LRMDA: variants seen among roughly 807,000 people sequenced by gnomAD.
LRMDA encodes leucine-rich melanocyte differentiation-associated protein.
In LRMDA, 18 loss-of-function variants were observed where a neutral mutation model predicts 29.8. The observed-to-expected ratio is 0.60, with a 90% CI of 0.42 to 0.90. LRMDA has a LOEUF of 0.90. LRMDA is among the 40% of genes least tolerant of loss of function. The pLI is 0.00. For missense variants in LRMDA, 273 were observed against 273.9 expected (o/e 1.00, Z 0.02); for synonymous variants, 125 against 109.4 (o/e 1.14, Z -0.89).
At chr10:75,465,635 T>C (rs1382446492) in intron 2 of LRMDA, among the ~76,000 whole-genome samples, 1 of 152,238 alleles carries the variant, frequency 6.6e-6, no homozygotes, top group Non-Finnish European at 1.5e-5. Context: ...AGCGCATTTG[T>C]AGACCTGTTG....
At chr10:76,548,646 A>T (rs1405069045) in intron 6 of LRMDA, among the ~76,000 whole-genome samples, 1 of 152,182 alleles carries the variant, frequency 6.6e-6, no homozygotes, top group African/African-American at 2.4e-5. Flanking sequence ...GTAGGAGCCA[A>T]AAAAGGGAGC....
chr10:75,801,221 C>A (rs970142329), intron 2 of LRMDA, among the ~76,000 whole-genome samples: 1 of 152,196 alleles, frequency 6.6e-6, no homozygotes, highest in Non-Finnish European at 1.5e-5. Flanking sequence ...CAGGGATAAG[C>A]CCAGGATTTG....
chr10:75,797,824 C>T (rs577779991), intron 2 of LRMDA, among the ~76,000 whole-genome samples: 1 of 152,226 alleles, frequency 6.6e-6, no homozygotes, highest in Non-Finnish European at 1.5e-5. Context: ...CATAAATATT[C>T]ACATATAAGT....
chr10:76,186,738 T>C (rs1851157372), intron 5 of LRMDA, among the ~76,000 whole-genome samples: 1 of 152,150 alleles, frequency 6.6e-6, no homozygotes, highest in African/African-American at 2.4e-5. Flanking sequence ...GACAGGGCAG[T>C]AAAAAAGATA....
At chr10:75,440,070 T>C (rs1844310352) in intron 2 of LRMDA, among the ~76,000 whole-genome samples, 1 of 151,440 alleles carries the variant, frequency 6.6e-6, no homozygotes, top group East Asian at 2.0e-4. Context: ...GCTATTGGGT[T>C]TGAGGAAACA....
In LRMDA at chr10:76,269,866, A is replaced by G. The variant is rs566494255; in HGVS notation, c.517-54535A>G. On this transcript the variant is annotated intron_variant, in intron 5 of 6. Coordinates refer to ENST00000611255, the MANE Select transcript of LRMDA (RefSeq NM_001305581.2). ...CAAGATTACATAGCTAGTAAGCAAC[A>G]GGGCTAGGACTAGATGTTGTATTGT... Among the ~76,000 whole-genome samples the G allele has an allele frequency of 3.9e-5, 6 of 152,372 alleles. No homozygotes were observed. In the South Asian group the frequency reaches 1.2e-3, roughly 32 times the overall value.
At chr10:76,030,814 C>T (rs1848136719) in intron 2 of LRMDA, among the ~76,000 whole-genome samples, 2 of 152,124 alleles carry the variant, frequency 1.3e-5, no homozygotes, top group Admixed American at 1.3e-4. Context: ...ACTGTGCTGC[C>T]ACTGGACCAT....
At chr10:76,353,003 C>T (rs1841196232) in intron 6 of LRMDA, among the ~76,000 whole-genome samples, 2 of 152,090 alleles carry the variant, frequency 1.3e-5, no homozygotes, top group African/African-American at 4.8e-5. Context: ...TGAGTATATC[C>T]AGCTTGAGTA....
chr10:76,093,246 C>T (rs771263003), intron 5 of LRMDA, among the ~76,000 whole-genome samples: 16 of 151,708 alleles, frequency 1.1e-4, no homozygotes, highest in South Asian at 4.2e-4. Context: ...CCATGTTGGC[C>T]GGGCTGGTCT....
chr10:76,461,231 G>A (rs1488493201), intron 6 of LRMDA, among the ~76,000 whole-genome samples: 1 of 152,064 alleles, frequency 6.6e-6, no homozygotes, highest in Admixed American at 6.6e-5. Flanking sequence ...TCCTGACCTC[G>A]CCATGCATGG....
At chr10:75,879,814 C>G (rs1395038518) in intron 2 of LRMDA, among the ~76,000 whole-genome samples, 1 of 152,080 alleles carries the variant, frequency 6.6e-6, no homozygotes, top group Non-Finnish European at 1.5e-5. Context: ...TTTTCCATTT[C>G]TTGGAATGAT....
intron 2 of LRMDA, among the ~76,000 whole-genome samples, chr10:75,597,014 T>C (rs1840798648): frequency 6.6e-6 from 1 of 151,896 alleles, no homozygotes; most frequent in African/African-American, 2.4e-5. Context: ...ACTTAGTTTC[T>C]TTTTCTCCCT....
chr10:75,633,356 A>G (rs1841351719), intron 2 of LRMDA, among the ~76,000 whole-genome samples: 2 of 152,196 alleles, frequency 1.3e-5, no homozygotes, highest in Admixed American at 6.5e-5. Context: ...TTACTGCAGA[A>G]GCTGAGTTTA....
At chr10:75,897,325 G>A (rs181411060) in intron 2 of LRMDA, among the ~76,000 whole-genome samples, 27 of 152,274 alleles carry the variant, frequency 1.8e-4, no homozygotes, top group African/African-American at 6.5e-4. Context: ...TAACATTACA[G>A]GTTTCTTGCC....
intron 6 of LRMDA, among the ~76,000 whole-genome samples, chr10:76,452,716 A>T (rs1842418705): frequency 6.6e-6 from 1 of 152,134 alleles, no homozygotes; most frequent in Non-Finnish European, 1.5e-5. Flanking sequence ...GCCCTGGGGG[A>T]GGATGGTTTA....
intron 2 of LRMDA, among the ~76,000 whole-genome samples, chr10:75,560,982 G>C (rs866581659): frequency 0.03 from 4,555 of 150,492 alleles, 242 homozygotes; most frequent in African/African-American, 0.11. Flanking sequence ...CAAGGATATT[G>C]GTCTAAAATT....
intron 2 of LRMDA, among the ~76,000 whole-genome samples, chr10:75,733,249 G>C (rs1842720589): frequency 6.6e-6 from 1 of 152,170 alleles, no homozygotes; most frequent in African/African-American, 2.4e-5. Context: ...TTAGCACAGT[G>C]GTGAGCTCTG....
At chr10:76,421,525 C>A (rs1236962509) in intron 6 of LRMDA, among the ~76,000 whole-genome samples, 1 of 152,152 alleles carries the variant, frequency 6.6e-6, no homozygotes, top group Non-Finnish European at 1.5e-5. Context: ...TCTTAACTAA[C>A]ATTTAATATA....
chr10:75,517,074 C>T (rs1845298744), intron 2 of LRMDA, among the ~76,000 whole-genome samples: 1 of 152,066 alleles, frequency 6.6e-6, no homozygotes, highest in Non-Finnish European at 1.5e-5. Flanking sequence ...TGTTTTGGTA[C>T]CAGTACCATG....
Sources: allele counts gnomAD v4.1 joint callset (sites outside exome capture counted in the v4.1 genomes callset), GRCh38; gene constraint gnomAD v4.1.1; transcripts MANE v1.5; gene names NCBI Gene and HGNC (gene_info 2026-07-23, HGNC 2026-07-21).